Variants in ACSL6 observed in about 807,000 individuals in gnomAD.
ACSL6 encodes long-chain-fatty-acid--CoA ligase 6.
Under a neutral mutation model 98.2 loss-of-function variants are expected in ACSL6, and 47 were observed. That is an observed-to-expected ratio of 0.48 (90% CI 0.38 to 0.61). The LOEUF (loss-of-function observed/expected upper bound fraction) is 0.61, where lower values mean the gene tolerates loss of function less well. Among genes scored for constraint, ACSL6 ranks in the 20% least tolerant of loss-of-function variants. ACSL6 has a pLI of 0.00. For missense variants in ACSL6, 761 were observed against 913.4 expected, an observed-to-expected ratio of 0.83 and a Z score of 2.15; for synonymous variants, 362 against 336.9, an observed-to-expected ratio of 1.07 and a Z score of -0.82.
intron 9 of ACSL6, among the ~76,000 whole-genome samples, chr5:131,979,691 G>A (rs1399051626): frequency 2.6e-5 from 4 of 152,234 alleles, no homozygotes; most frequent in African/African-American, 9.6e-5. Context: ...AAGAAGAAGT[G>A]AATGTTGGCA....
rs1752206780 is a variant in ACSL6 at position 131,952,561 on chromosome 5, G to A, written c.*1673C>T. The stretch of plus-strand genomic sequence containing the variant: ...TTAAATTAACACATGAATTGCATAT[G>A]GATTGTTGATATGCTTTTAGAGTCT... On this transcript the variant is annotated 3_prime_UTR_variant, in exon 21 of 21. Coordinates refer to ENST00000651883, the MANE Select transcript of ACSL6 (RefSeq NM_001009185.3). 4.7e-6 allele frequency: 1 copy of A among 214,462 alleles called. No homozygotes were observed. Among genetic ancestry groups the A allele is most frequent in the Non-Finnish European group, 9.4e-6 (1 of 106,366 alleles). 13.3% of individuals were successfully genotyped at this position (214,462 alleles called of 1,614,324 possible).
chr5:131,994,107 A>C lies in ACSL6; in HGVS notation c.194T>G (p.Leu65Arg). 1 of 1,614,186 alleles carries C rather than the reference A, an allele frequency of 6.2e-7. No individual in the cohort carries two copies. The highest frequency in any genetic ancestry group is 8.5e-7 in the Non-Finnish European group (1 of 1,180,040). Reference protein sequence around the residue: ...LVSMGALAAILAYWFTHRPKA... With the variant: ...LVSMGALAAIRAYWFTHRPKA... ...TGGCCGGTGAGTGAACCAGTAGGCA[A>C]GGATGGCAGCCAGGGCACCCATACT... The change falls in exon 2 of 21, where the codon CTT becomes CGT. Residue 65 changes from leucine to arginine, a missense_variant. Transcript: ENST00000651883.
chr5:131,989,260 G>A (rs1754372545), intron 5 of ACSL6, 147 bp downstream of exon 5: 1 of 775,166 alleles, frequency 1.3e-6, no homozygotes, highest in Non-Finnish European at 2.1e-6. Context: ...GGCAGAGCCA[G>A]GGTGGGAAGA....
chr5:131,996,457 G>A (rs772524644), intron 1 of ACSL6, among the ~76,000 whole-genome samples: 17 of 152,194 alleles, frequency 1.1e-4, no homozygotes, highest in Non-Finnish European at 1.8e-4. Flanking sequence ...TCACCAACTC[G>A]TAGGGTGGGT....
intron 20 of ACSL6, 144 bp downstream of exon 20, chr5:131,959,392 G>A: frequency 1.2e-6 from 1 of 803,330 alleles, no homozygotes; most frequent in Non-Finnish European, 2.0e-6. Context: ...GCTTGGAACA[G>A]GCCTTCAGGG....
chr5:131,993,649 A>T, intron 2 of ACSL6: 1 of 267,352 alleles, frequency 3.7e-6, no homozygotes, highest in Non-Finnish European at 7.3e-6. Context: ...CAGGGCCAGG[A>T]GTGGGCTGAA....
At chr5:131,982,609 C>T (rs1385647022) in intron 9 of ACSL6, 1 of 152,448 alleles carries the variant, frequency 6.6e-6, no homozygotes, top group Non-Finnish European at 1.5e-5. Flanking sequence ...ATGCTCGTGC[C>T]CTCAAGCCCT....
chr5:132,009,539 G>A (rs247002), intron 1 of ACSL6, among the ~76,000 whole-genome samples: 56,965 of 152,026 alleles, frequency 0.37, 11,779 homozygotes, highest in South Asian at 0.65. Context: ...CAATTGTCTG[G>A]GTTATTCTAT....
At chr5:131,975,984 A>G (rs1198682020) in intron 10 of ACSL6, 3 of 985,324 alleles carry the variant, frequency 3.0e-6, no homozygotes, top group African/African-American at 3.5e-5. Flanking sequence ...AATGTCATCT[A>G]CCATGAATGT....
chr5:131,962,793 C>T (rs112694871), intron 17 of ACSL6, 115 bp from the exon 18 acceptor site: 1 of 1,212,740 alleles, frequency 8.2e-7, no homozygotes, highest in African/African-American at 1.5e-5. Context: ...ACCCCGATTT[C>T]TTTTCCATCT....
intron 11 of ACSL6, 166 bp from the exon 12 acceptor site, chr5:131,973,566 A>G (rs1397618499): frequency 1.8e-5 from 10 of 568,418 alleles, no homozygotes; most frequent in Non-Finnish European, 2.6e-5. Context: ...GGTGACCCCC[A>G]CCCCCTCACC....
chr5:131,970,260 A>G (rs1753232305), intron 14 of ACSL6, 60 bp from the exon 15 acceptor site: 1 of 1,521,884 alleles, frequency 6.6e-7, no homozygotes, highest in South Asian at 1.1e-5. Flanking sequence ...CTAACTGGCC[A>G]CCCCTTCCAG....
rs1216675698 is a variant in ACSL6, at chr5:131,951,666, A to G, written c.*2568T>C. On this transcript the variant is annotated 3_prime_UTR_variant, in exon 21 of 21. Coordinates refer to ENST00000651883, the MANE Select transcript of ACSL6 (RefSeq NM_001009185.3). ...AGTGGCGGGATCTCGGCTCACTGCA[A>G]GCTCCGCCTCCCAGGTTCATGCCAT... 3.5e-5 allele frequency: 6 copies of G among 172,288 alleles called. No homozygotes were observed. The highest frequency in any genetic ancestry group is 6.4e-5 in the Admixed American group (1 of 15,680). The allele number at this position is 172,288 out of a possible 1,614,324, so 10.7% of individuals were successfully genotyped here.
At chr5:131,967,668 TTAA>T (rs3043871) in intron 16 of ACSL6, among the ~76,000 whole-genome samples, 21,269 of 144,022 alleles carry the variant, frequency 0.15, 1,704 homozygotes, top group East Asian at 0.32. Flanking sequence ...CCGTCTCAAA[TTAA>T]TAATAATAAT....
chr5:131,987,583 C>G (rs1456329203), intron 7 of ACSL6, among the ~76,000 whole-genome samples: 2 of 152,216 alleles, frequency 1.3e-5, no homozygotes, highest in Non-Finnish European at 2.9e-5. Flanking sequence ...CAGCAGACCA[C>G]CAACTGCCAC....
chr5:131,956,629 T>C (rs1049710221), intron 20 of ACSL6, among the ~76,000 whole-genome samples: 11 of 152,028 alleles, frequency 7.2e-5, no homozygotes, highest in African/African-American at 2.7e-4. Context: ...AGGCAGTAAG[T>C]GGAAAAAAAT....
In ACSL6 at chr5:131,970,146, G is replaced by T. The variant is rs767947400; in HGVS notation, c.1489C>A (p.Pro497Thr). 3 of 1,614,026 alleles carry T rather than the reference G, an allele frequency of 1.9e-6. No homozygotes were observed. The change falls in exon 15 of 21, where the codon CCT (proline) becomes ACT (threonine). Residue 497 changes from proline (P) to threonine (T), a missense_variant. Pro to Thr is a conservative substitution (Grantham distance 38, BLOSUM62 -1). Coordinates refer to ENST00000651883, the MANE Select transcript of ACSL6 (RefSeq NM_001009185.3). ...ATCCTACCTGAGGTCCAGTCGCCAG[G>T]AGTGGTGAAGGTACATCCAGCTGTG... ...ECTAGCTFTT[P>T]GDWTSGHVGA...
chr5:131,960,630 C>T lies in ACSL6; in HGVS notation c.1858-9G>A. On this transcript the variant is annotated splice_polypyrimidine_tract_variant and intron_variant, in intron 18 of 20. Coordinates refer to ENST00000651883, the MANE Select transcript of ACSL6 (RefSeq NM_001009185.3). ...ATGCCTACCAAAAAGGCCTGCAGTG[C>T]TCACCAAAGGAGAACACAGTCATGA... is the stretch of plus-strand genomic sequence containing the variant. 6.2e-7 allele frequency: 1 copy of T among 1,607,452 alleles called. No homozygotes were observed. Among genetic ancestry groups the T allele is most frequent in the Non-Finnish European group, 8.5e-7 (1 of 1,175,678 alleles).
chr5:131,996,296 C>G (rs1359656760), intron 1 of ACSL6, among the ~76,000 whole-genome samples: 2 of 152,244 alleles, frequency 1.3e-5, no homozygotes, highest in Non-Finnish European at 2.9e-5. Context: ...AGTAGATTCA[C>G]CAGGGAAAAT....
Sources: gnomAD v4.1 joint callset for allele counts (sites outside exome capture counted in the v4.1 genomes callset) on GRCh38, gnomAD v4.1.1 for gene constraint, MANE v1.5 for transcripts, NCBI Gene and HGNC (gene_info 2026-07-23, HGNC 2026-07-21) for gene names.